The following ERBB4 variants were observed in gnomAD, a reference collection of about 807,000 sequenced individuals.
ERBB4 encodes the protein erb-b2 receptor tyrosine kinase 4.
ERBB4 carries 42 observed loss-of-function variants against 158.0 expected under a neutral mutation model. The observed-to-expected ratio is 0.27, with a 90% CI of 0.21 to 0.34. The LOEUF (loss-of-function observed/expected upper bound fraction) is 0.34, where lower values mean the gene tolerates loss of function less well. Among genes scored for constraint, ERBB4 ranks in the 10% least tolerant of loss-of-function variants. The pLI, the probability that ERBB4 is intolerant of heterozygous loss-of-function variation, is 1.00. For missense variants in ERBB4, 1,333 were observed against 1,624.1 expected (o/e 0.82, Z 3.08); for synonymous variants, 583 against 558.7 (o/e 1.04, Z -0.61).
At chr2:212,496,544 A>G (rs1690583584) in intron 1 of ERBB4, among the ~76,000 whole-genome samples, 1 of 152,208 alleles carries the variant, frequency 6.6e-6, no homozygotes, top group South Asian at 2.1e-4. Flanking sequence ...AGTTCACAAT[A>G]GTTATTTTTT....
At chr2:211,463,984 TTA>T (rs2064606428) in intron 20 of ERBB4, among the ~76,000 whole-genome samples, 1 of 152,128 alleles carries the variant, frequency 6.6e-6, no homozygotes, top group Non-Finnish European at 1.5e-5. Flanking sequence ...TTCCTTCTGT[TTA>T]TAGTGTTGTT....
At chr2:212,073,230 C>T (rs901145630) in intron 2 of ERBB4, among the ~76,000 whole-genome samples, 8 of 152,020 alleles carry the variant, frequency 5.3e-5, no homozygotes, top group Middle Eastern at 3.4e-3. Context: ...ATGAAAGATA[C>T]TCATCTTTAT....
intron 3 of ERBB4, among the ~76,000 whole-genome samples, chr2:211,932,350 T>G (rs2080200703): frequency 6.6e-6 from 1 of 152,150 alleles, no homozygotes; most frequent in African/African-American, 2.4e-5. Context: ...ATTTTCTGAT[T>G]GTTTTACATT....
intron 1 of ERBB4, among the ~76,000 whole-genome samples, chr2:212,385,054 T>C (rs1459089738): frequency 6.6e-6 from 1 of 151,494 alleles, no homozygotes; most frequent in Non-Finnish European, 1.5e-5. Flanking sequence ...TTCATGTTTA[T>C]GACAGAAAAA....
intron 1 of ERBB4, among the ~76,000 whole-genome samples, chr2:212,405,259 A>T (rs947822656): frequency 6.6e-6 from 1 of 152,140 alleles, no homozygotes; most frequent in African/African-American, 2.4e-5. Context: ...ACTTATTATC[A>T]GAGAAATGCA....
chr2:212,355,051 ATATC>A (rs1231656579), intron 1 of ERBB4, among the ~76,000 whole-genome samples: 1 of 152,062 alleles, frequency 6.6e-6, no homozygotes, highest in Non-Finnish European at 1.5e-5. Flanking sequence ...ATTGTCTATT[ATATC>A]TATTAGAGTT....
chr2:212,468,204 G>T (rs1688936361), intron 1 of ERBB4, among the ~76,000 whole-genome samples: 1 of 152,174 alleles, frequency 6.6e-6, no homozygotes, highest in African/African-American at 2.4e-5. Flanking sequence ...TTTGAGTTAA[G>T]GCTGAAACGA....
At chr2:211,495,930 T>A (rs1044224751) in intron 20 of ERBB4, among the ~76,000 whole-genome samples, 1 of 152,074 alleles carries the variant, frequency 6.6e-6, no homozygotes, top group Non-Finnish European at 1.5e-5. Flanking sequence ...AACGTAGGGT[T>A]GTCCTCTTCT....
At chr2:212,384,474 C>T (rs184593744) in intron 1 of ERBB4, among the ~76,000 whole-genome samples, 30 of 151,724 alleles carry the variant, frequency 2.0e-4, no homozygotes, top group Non-Finnish European at 3.4e-4. Context: ...TTCTTTTCTA[C>T]CATTCTGCTT....
chr2:212,432,962 A>G (rs768748246), intron 1 of ERBB4, among the ~76,000 whole-genome samples: 12 of 152,034 alleles, frequency 7.9e-5, no homozygotes, highest in Non-Finnish European at 1.8e-4. Flanking sequence ...CACATAACCA[A>G]AGCTCTGGAA....
chr2:212,362,146 T>G lies in ERBB4; in HGVS notation c.82+176303A>C, dbSNP rs1401669625. On this transcript the variant is annotated intron_variant, in intron 1 of 27. Transcript: ENST00000342788. ...AAGATTTTCTACTTTGTTATTATAATGTTTTAAATTCAGTGGCTATCATTT... is the reference window on the plus strand; with the variant it reads ...AAGATTTTCTACTTTGTTATTATAAGGTTTTAAATTCAGTGGCTATCATTT... Among the ~76,000 whole-genome samples, 4 of 151,578 alleles carry G rather than the reference T, an allele frequency of 2.6e-5. 1 individual carries two copies. The highest frequency in any genetic ancestry group is 5.9e-5 in the Non-Finnish European group (4 of 67,666).
chr2:212,430,501 C>T (rs528387777), intron 1 of ERBB4, among the ~76,000 whole-genome samples: 11 of 150,980 alleles, frequency 7.3e-5, no homozygotes, highest in East Asian at 2.0e-4. Flanking sequence ...AGTGCAGTGG[C>T]GCGATCTTGG....
At chr2:212,431,337 T>A (rs1449654070) in intron 1 of ERBB4, among the ~76,000 whole-genome samples, 1 of 131,316 alleles carries the variant, frequency 7.6e-6, no homozygotes, top group Non-Finnish European at 1.7e-5. Context: ...AAAACCTTCG[T>A]AACTATTTTT....
At chr2:212,092,516 A>G (rs2078809044) in intron 2 of ERBB4, among the ~76,000 whole-genome samples, 1 of 152,182 alleles carries the variant, frequency 6.6e-6, no homozygotes, top group Non-Finnish European at 1.5e-5. Context: ...TTATAGATCG[A>G]AGAGTGAAGA....
chr2:212,037,154 TG>T (rs1309567052), intron 2 of ERBB4, among the ~76,000 whole-genome samples: 2 of 152,334 alleles, frequency 1.3e-5, no homozygotes, highest in African/African-American at 2.4e-5. Context: ...TTGTTTGTTT[TG>T]TTTTTTTGTT....
At chr2:211,689,155 GA>G (rs2072697411) in intron 12 of ERBB4, among the ~76,000 whole-genome samples, 1 of 152,170 alleles carries the variant, frequency 6.6e-6, no homozygotes, top group African/African-American at 2.4e-5. Flanking sequence ...TAATACAGAG[GA>G]AGAGGTTTCT....
At chr2:211,883,562 G>T (rs1427830606) in intron 3 of ERBB4, among the ~76,000 whole-genome samples, 1 of 152,150 alleles carries the variant, frequency 6.6e-6, no homozygotes, top group Admixed American at 6.5e-5. Context: ...AAGATTGCTT[G>T]AGGTCAGGAG....
intron 1 of ERBB4, among the ~76,000 whole-genome samples, chr2:212,222,450 C>G (rs1347949755): frequency 6.6e-6 from 1 of 151,548 alleles, no homozygotes; most frequent in South Asian, 2.1e-4. Context: ...CTGGTATTAG[C>G]TCCAACACTA....
intron 1 of ERBB4, among the ~76,000 whole-genome samples, chr2:212,277,480 T>C (rs2085584950): frequency 6.6e-6 from 1 of 151,710 alleles, no homozygotes; most frequent in Admixed American, 6.6e-5. Context: ...CTCATTTTAT[T>C]CATCATTTCA....
Sources: gnomAD v4.1 joint callset for allele counts (sites outside exome capture counted in the v4.1 genomes callset) on GRCh38, gnomAD v4.1.1 for gene constraint, MANE v1.5 for transcripts, NCBI Gene and HGNC (gene_info 2026-07-23, HGNC 2026-07-21) for gene names.